Variants in OR2T1 observed in about 807,000 individuals in gnomAD.
The protein encoded by OR2T1 is olfactory receptor family 2 subfamily T member 1.
For synonymous variants in OR2T1, 186 were observed against 145.4 expected (o/e 1.28, Z -2.01); for missense variants, 440 against 390.2 (o/e 1.13, Z -1.07).
chr1:248,406,762 G>C lies in OR2T1; in HGVS notation c.615G>C (p.Met205Ile), dbSNP rs1462513462. The C allele has an allele frequency of 6.2e-7, 1 of 1,614,202 alleles. No homozygotes were observed. The highest frequency in any genetic ancestry group is 2.2e-5 in the East Asian group (1 of 44,880). Reference protein sequence around the residue: ...ETVMYVCCVLMLLIPFSVVLA... With the variant: ...ETVMYVCCVLILLIPFSVVLA... ...TGATGTATGTGTGCTGTGTTTTGATGCTGCTGATTCCTTTCTCTGTAGTCC... is the reference window on the plus strand; with the variant it reads ...TGATGTATGTGTGCTGTGTTTTGATCCTGCTGATTCCTTTCTCTGTAGTCC... The change falls in exon 2 of 2, where the codon ATG (methionine) becomes ATC (isoleucine). Residue 205 changes from methionine to isoleucine, a missense_variant. Met to Ile is a conservative substitution (Grantham distance 10). Transcript: ENST00000642005.
chr1:248,405,840 G>T (rs1339102840), intron 1 of OR2T1, among the ~76,000 whole-genome samples: 3 of 152,198 alleles, frequency 2.0e-5, no homozygotes, highest in African/African-American at 7.2e-5. Flanking sequence ...GTGTAGCATG[G>T]TATGCAACCT....
In OR2T1 at chr1:248,407,395, G is replaced by T. The variant is rs1467926474; in HGVS notation, c.*291G>T. 2.7e-6 allele frequency: 1 copy of T among 364,400 alleles called. No homozygotes were observed. The highest frequency in any genetic ancestry group is 2.1e-5 in the African/African-American group (1 of 47,696). 22.6% of individuals were successfully genotyped at this position (364,400 alleles called of 1,614,324 possible). On this transcript the variant is annotated 3_prime_UTR_variant, in exon 2 of 2. Coordinates refer to ENST00000642005, the MANE Select transcript of OR2T1 (RefSeq NM_030904.2). The stretch of plus-strand genomic sequence containing the variant: ...ATAATCCAATCTTTCCCCGCTTTTG[G>T]TCACAAAGAAATTATCTGACTACCT...
rs1246651161 is a variant in OR2T1, at chr1:248,407,343, C to T, written c.*239C>T. On this transcript the variant is annotated 3_prime_UTR_variant, in exon 2 of 2. Transcript: ENST00000642005. ...TCTTTTCACCTGCTTCTTTTTCTCC[C>T]CAAAGAAAGCCTTAGAAACTAAAAA... The T allele has an allele frequency of 3.5e-5, 15 of 431,666 alleles. No homozygotes were observed. Among genetic ancestry groups the T allele is most frequent in the Non-Finnish European group, 6.1e-5 (15 of 247,254 alleles). The allele number at this position is 431,666 out of a possible 1,614,324, so 26.7% of individuals were successfully genotyped here. A position where few individuals can be genotyped will look rare whatever the true frequency, so the allele number is the denominator to read the frequency against.
chr1:248,407,732 G>A lies in OR2T1; in HGVS notation c.*628G>A, dbSNP rs1357206644. 6.6e-6 allele frequency: 1 copy of A among 152,288 alleles called. No individual in the cohort carries two copies. Among genetic ancestry groups the A allele is most frequent in the African/African-American group, 2.4e-5 (1 of 41,458 alleles). The allele number at this position is 152,288 out of a possible 1,614,324, so 9.4% of individuals were successfully genotyped here. A position where few individuals can be genotyped will look rare whatever the true frequency, so the allele number is the denominator to read the frequency against. ...ATAAGAACCCATCCATGTGCCTGGA[G>A]GGTGGCATGTCCCAACTCCACAGAG... On this transcript the variant is annotated 3_prime_UTR_variant, in exon 2 of 2. Transcript: ENST00000642005.
At chr1:248,403,741 G>A (rs1453353854) in intron 1 of OR2T1, among the ~76,000 whole-genome samples, 1 of 152,098 alleles carries the variant, frequency 6.6e-6, no homozygotes, top group African/African-American at 2.4e-5. Context: ...TAGTGAGAGA[G>A]CAGATAATAA....
In OR2T1 at chr1:248,407,374, T is replaced by G; in HGVS notation, c.*270T>G. ...AAAGCCTTAGAAACTAAAAATATAA[T>G]CCAATCTTTCCCCGCTTTTGGTCAC... On this transcript the variant is annotated 3_prime_UTR_variant, in exon 2 of 2. Transcript: ENST00000642005. 1 of 407,232 alleles carries G rather than the reference T, an allele frequency of 2.5e-6. No individual in the cohort carries two copies. The highest frequency in any genetic ancestry group is 4.3e-6 in the Non-Finnish European group (1 of 231,600). The allele number at this position is 407,232 out of a possible 1,614,324, so 25.2% of individuals were successfully genotyped here.
At chr1:248,404,454 G>T (rs1016832816) in intron 1 of OR2T1, among the ~76,000 whole-genome samples, 1 of 151,368 alleles carries the variant, frequency 6.6e-6, no homozygotes, top group African/African-American at 2.4e-5. Flanking sequence ...AAAGTAAAAT[G>T]AGGGAGGTTG....
In OR2T1 at chr1:248,407,258, G is replaced by GTT. The variant is rs145695990; in HGVS notation, c.*154_*155insTT. The GTT allele has an allele frequency of 3.8e-4, 240 of 634,682 alleles. No homozygotes were observed. The highest frequency in any genetic ancestry group is 6.6e-4 in the South Asian group (18 of 27,450). 39.3% of individuals were successfully genotyped at this position (634,682 alleles called of 1,614,324 possible). A position where few individuals can be genotyped will look rare whatever the true frequency, so the allele number is the denominator to read the frequency against. ...TTCTGGTTCATAACTCCATAGTTAT[G>GTT]ATGTTGTGGTTTTTTAGGCCTCAGA... On this transcript the variant is annotated 3_prime_UTR_variant, in exon 2 of 2. Coordinates refer to ENST00000642005, the MANE Select transcript of OR2T1 (RefSeq NM_030904.2).
chr1:248,403,882 T>C (rs1195534966), intron 1 of OR2T1, among the ~76,000 whole-genome samples: 3 of 152,126 alleles, frequency 2.0e-5, no homozygotes, highest in Non-Finnish European at 4.4e-5. Context: ...GACTTTAGAA[T>C]TTCCCTTTGC....
chr1:248,406,432 G>A lies in OR2T1; in HGVS notation c.285G>A (p.Gly95=), dbSNP rs774867683. 17 of 1,614,002 alleles carry A rather than the reference G, an allele frequency of 1.1e-5. 1 individual carries two copies. The highest frequency in any genetic ancestry group is 1.2e-5 in the Non-Finnish European group (14 of 1,180,004). ...LLDQRTISFV[G]CTAQHFLYLT... ...ATCAAAGGACCATTTCCTTTGTGGG[G>A]TGCACAGCTCAACACTTCCTCTACC... The change falls in exon 2 of 2, where the codon GGG becomes GGA. Residue 95 remains glycine (G), a synonymous_variant. Transcript: ENST00000642005.
intron 1 of OR2T1, among the ~76,000 whole-genome samples, chr1:248,405,427 T>G (rs1661534912): frequency 6.6e-6 from 1 of 152,254 alleles, no homozygotes; most frequent in African/African-American, 2.4e-5. Flanking sequence ...ATCATAATCC[T>G]AATGCTAATT....
chr1:248,406,482 T>A lies in OR2T1; in HGVS notation c.335T>A (p.Phe112Tyr). The change falls in exon 2 of 2, where the codon TTC becomes TAC. Residue 112 changes from phenylalanine (F) to tyrosine (Y), a missense_variant. Coordinates refer to ENST00000642005, the MANE Select transcript of OR2T1 (RefSeq NM_030904.2). Reference protein sequence around the residue: ...LYLTLVGAEFFLLGLMAYDRY... With the variant: ...LYLTLVGAEFYLLGLMAYDRY... ...CTTACCCTTGTGGGAGCTGAATTCTTCCTGCTGGGCCTCATGGCCTATGAC... is the reference window on the plus strand; with the variant it reads ...CTTACCCTTGTGGGAGCTGAATTCTACCTGCTGGGCCTCATGGCCTATGAC... 1.2e-6 allele frequency: 2 copies of A among 1,614,156 alleles called. No homozygotes were observed. The highest frequency in any genetic ancestry group is 1.7e-6 in the Non-Finnish European group (2 of 1,180,012).
At position 248,406,894 on chromosome 1, in the gene OR2T1, G is replaced by T; in HGVS notation, c.747G>T (p.Leu249Phe). The T allele has an allele frequency of 1.2e-6, 2 of 1,614,074 alleles. No homozygotes were observed. Among genetic ancestry groups the T allele is most frequent in the African/African-American group, 1.3e-5 (1 of 75,040 alleles). ...CATCCCACATGACTGTGGTGTCCTTGTTCTACGGGGCTGCCATGTACACCT... is the reference window on the plus strand; with the variant it reads ...CATCCCACATGACTGTGGTGTCCTTTTTCTACGGGGCTGCCATGTACACCT... ...TCSSHMTVVSLFYGAAMYTYM... is the reference protein window; with the variant it reads ...TCSSHMTVVSFFYGAAMYTYM... The change falls in exon 2 of 2, where the codon TTG becomes TTT. Residue 249 changes from leucine (L) to phenylalanine (F), a missense_variant. Physicochemically the swap from Leu to Phe is conservative, Grantham distance 22. Transcript: ENST00000642005.
Position 248,406,546 on chromosome 1 carries a change from C to A in OR2T1, c.399C>A (p.Val133=), listed in dbSNP as rs1661562298. The A allele has an allele frequency of 1.2e-6, 2 of 1,614,156 alleles. No individual in the cohort carries two copies. The highest frequency in any genetic ancestry group is 1.3e-5 in the African/African-American group (1 of 75,042). ...VAICNPLRYP[V]LMSRRVCWMI... The stretch of plus-strand genomic sequence containing the variant: ...TTTGCAACCCTCTGAGATACCCTGT[C>A]CTCATGAGCCGCCGGGTCTGTTGGA... The change falls in exon 2 of 2, where the codon GTC becomes GTA. Residue 133 remains valine, a synonymous_variant. Transcript: ENST00000642005.
rs1192968164 is a variant in OR2T1, at chr1:248,406,830, G to A, written c.683G>A (p.Ser228Asn). Residue 228 changes from serine (S) to asparagine (N), a missense_variant, in exon 2 of 2, where the codon AGC becomes AAC. Ser to Asn is a conservative substitution (Grantham distance 46). Transcript: ENST00000642005. ...ARILTTVQCM[S>N]SVEGRKKAFA... ...ATCCTGACTACAGTTCAGTGCATGAGCTCAGTGGAGGGCAGGAAGAAGGCA... is the reference window on the plus strand; with the variant it reads ...ATCCTGACTACAGTTCAGTGCATGAACTCAGTGGAGGGCAGGAAGAAGGCA... 5.6e-6 allele frequency: 9 copies of A among 1,614,062 alleles called. No homozygotes were observed. The highest frequency in any genetic ancestry group is 7.6e-6 in the Non-Finnish European group (9 of 1,180,026).
Position 248,406,618 on chromosome 1 carries a change from C to G in OR2T1, c.471C>G (p.Leu157=). 1 of 1,614,160 alleles carries G rather than the reference C, an allele frequency of 6.2e-7. No homozygotes were observed. Among genetic ancestry groups the G allele is most frequent in the Non-Finnish European group, 8.5e-7 (1 of 1,180,006 alleles). ...TTGGGGGCTCTTTGGATGGCTTCCT[C>G]CTAACCCCCATCACCATGAGCTTTC... ...SWFGGSLDGF[L]LTPITMSFPF... The change falls in exon 2 of 2, where the codon CTC becomes CTG. Residue 157 remains leucine (L), a synonymous_variant. Transcript: ENST00000642005.
In OR2T1 at chr1:248,406,818, T is replaced by C; in HGVS notation, c.671T>C (p.Val224Ala). 2 of 1,614,166 alleles carry C rather than the reference T, an allele frequency of 1.2e-6. No homozygotes were observed. The highest frequency in any genetic ancestry group is 1.7e-6 in the Non-Finnish European group (2 of 1,180,014). The change falls in exon 2 of 2, where the codon GTT (valine) becomes GCT (alanine). Residue 224 changes from valine (V) to alanine (A), a missense_variant. Coordinates refer to ENST00000642005, the MANE Select transcript of OR2T1 (RefSeq NM_030904.2). ...LASYARILTT[V>A]QCMSSVEGRK... is the part of the protein sequence containing the mutation. ...TCCTATGCCCGAATCCTGACTACAG[T>C]TCAGTGCATGAGCTCAGTGGAGGGC...
intron 1 of OR2T1, 195 bp from the exon 2 acceptor site, chr1:248,405,920 G>A: frequency 8.3e-7 from 1 of 1,199,802 alleles, no homozygotes; most frequent in Non-Finnish European, 1.2e-6. Flanking sequence ...ATGTATTTAA[G>A]CAATTATTGA....
chr1:248,404,245 G>GGCTATTACAT, intron 1 of OR2T1, among the ~76,000 whole-genome samples: 15 of 150,948 alleles, frequency 9.9e-5, no homozygotes, highest in South Asian at 2.1e-4. Context: ...AGACAGCAGA[G>GGCTATTACAT]ACCACTGTTT....
Sources: allele counts gnomAD v4.1 joint callset (sites outside exome capture counted in the v4.1 genomes callset), GRCh38; gene constraint gnomAD v4.1.1; transcripts MANE v1.5; gene names NCBI Gene and HGNC (gene_info 2026-07-23, HGNC 2026-07-21).